The following IRF8 variants were observed in gnomAD, a reference collection of about 807,000 sequenced individuals.
IRF8 encodes the protein interferon consensus sequence binding protein 1.
A neutral mutation model predicts 48.7 loss-of-function variants in IRF8; 14 were observed. That is an observed-to-expected ratio of 0.29 (90% CI 0.19 to 0.45). IRF8 has a LOEUF of 0.45. Among genes scored for constraint, IRF8 ranks in the 20% least tolerant of loss-of-function variants. The probability of loss-of-function intolerance (pLI) is 1.00; values close to 1 mark genes in which losing one functional copy is unlikely to be tolerated. For missense variants in IRF8, 493 were observed against 580.7 expected (o/e 0.85, Z 1.55); for synonymous variants, 278 against 227.3 (o/e 1.22, Z -2.01).
chr16:85,916,205 T>G (rs1905300231), intron 6 of IRF8, among the ~76,000 whole-genome samples: 1 of 152,244 alleles, frequency 6.6e-6, no homozygotes, highest in South Asian at 2.1e-4. Context: ...GTGAGGTGGA[T>G]GCTGTTTTTA....
At chr16:85,903,724 C>T (rs537811753) in intron 2 of IRF8, among the ~76,000 whole-genome samples, 1 of 152,252 alleles carries the variant, frequency 6.6e-6, no homozygotes, top group Non-Finnish European at 1.5e-5. Context: ...GTAATCGGTT[C>T]CCCATGCGTG....
intron 1 of IRF8, among the ~76,000 whole-genome samples, chr16:85,901,447 C>T (rs1220941050): frequency 7.2e-5 from 11 of 152,158 alleles, no homozygotes; most frequent in South Asian, 4.2e-4. Flanking sequence ...GGCAACATAG[C>T]GAGATCCTGT....
Position 85,921,234 on chromosome 16 carries a change from C to T in IRF8, c.1233C>T (p.Ala411=). The T allele has an allele frequency of 1.9e-6, 3 of 1,614,224 alleles. No individual in the cohort carries two copies. Among genetic ancestry groups the T allele is most frequent in the Non-Finnish European group, 2.5e-6 (3 of 1,180,052 alleles). The change falls in exon 9 of 9, where the codon GCC becomes GCT. Residue 411 remains alanine, a synonymous_variant. Coordinates refer to ENST00000268638, the MANE Select transcript of IRF8 (RefSeq NM_002163.4). ...TCCGGATGTTTCCAGATATTTGTGC[C>T]TCACACCAGAGATCATTTTTCAGAG... The part of the protein sequence containing the change: ...QVFRMFPDIC[A]SHQRSFFREN...
At chr16:85,909,238 A>G (rs1372174877) in intron 3 of IRF8, 65 bp downstream of exon 3, 3 of 1,400,838 alleles carry the variant, frequency 2.1e-6, no homozygotes, top group Non-Finnish European at 3.0e-6. Flanking sequence ...TTCACCACAG[A>G]ACTTGGGTCT....
At chr16:85,920,967 C>G (rs888793387) in intron 8 of IRF8, 139 bp from the exon 9 acceptor site, 1 of 871,488 alleles carries the variant, frequency 1.1e-6, no homozygotes, top group Non-Finnish European at 1.8e-6. Flanking sequence ...ACTGCTTGCC[C>G]TTCCTTGGCA....
In IRF8 at chr16:85,921,345, C is replaced by T. The variant is rs186737180; in HGVS notation, c.*63C>T. On this transcript the variant is annotated 3_prime_UTR_variant, in exon 9 of 9. Coordinates refer to ENST00000268638, the MANE Select transcript of IRF8 (RefSeq NM_002163.4). ...CATCCATCTCCCTGTTACAGTGGCCCGCATCATGATTAAAGAATGTGGATC... is the reference window on the plus strand; with the variant it reads ...CATCCATCTCCCTGTTACAGTGGCCTGCATCATGATTAAAGAATGTGGATC... The T allele has an allele frequency of 1.2e-5, 18 of 1,530,004 alleles. No homozygotes were observed. The East Asian group carries it at 1.6e-4, about 13-fold the overall frequency. The allele number at this position is 1,530,004 out of a possible 1,614,324, so 94.8% of individuals were successfully genotyped here. A position where few individuals can be genotyped will look rare whatever the true frequency, so the allele number is the denominator to read the frequency against.
intron 3 of IRF8, 31 bp downstream of exon 3, chr16:85,909,204 C>T: frequency 6.3e-7 from 1 of 1,595,386 alleles, no homozygotes; most frequent in Non-Finnish European, 8.6e-7. Flanking sequence ...TGAAACCTTC[C>T]AGAAGCTGCC....
intron 5 of IRF8, 31 bp downstream of exon 5, chr16:85,913,267 G>C: frequency 6.7e-7 from 1 of 1,489,260 alleles, no homozygotes; most frequent in Non-Finnish European, 9.4e-7. Flanking sequence ...ATTGTCACCA[G>C]GCATGGCCTG....
At chr16:85,914,288 G>T in intron 5 of IRF8, 185 bp from the exon 6 acceptor site, 1 of 671,978 alleles carries the variant, frequency 1.5e-6, no homozygotes, top group Non-Finnish European at 2.7e-6. Context: ...TTCTGCATTT[G>T]TGAAACAATG....
At position 85,910,752 on chromosome 16, in the gene IRF8, C is replaced by T. The variant is rs932494300; in HGVS notation, c.359-818C>T. 2.2e-4 allele frequency among the ~76,000 whole-genome samples: 34 copies of T among 152,286 alleles called. 1 individual carries two copies. The highest frequency in any genetic ancestry group is 1.9e-3 in the Admixed American group (29 of 15,300). On this transcript the variant is annotated intron_variant, in intron 3 of 8. Transcript: ENST00000268638. ...AGTGGTTTGCAGGCTCCATGGTGGG[C>T]GCCCCACCTGCTCCCTACTTCCCCA...
chr16:85,908,410 C>T (rs1055101245), intron 2 of IRF8, among the ~76,000 whole-genome samples: 22 of 152,102 alleles, frequency 1.4e-4, no homozygotes, highest in Non-Finnish European at 3.2e-4. Flanking sequence ...AACACACACA[C>T]ATTAAAGGGA....
chr16:85,901,565 C>A (rs973282095), intron 1 of IRF8, among the ~76,000 whole-genome samples: 1 of 152,172 alleles, frequency 6.6e-6, no homozygotes, highest in Non-Finnish European at 1.5e-5. Context: ...CTGCCGCGAG[C>A]TATGATGGCA....
intron 4 of IRF8, 21 bp downstream of exon 4, chr16:85,911,679 AG>A: frequency 6.2e-7 from 1 of 1,604,538 alleles, no homozygotes; most frequent in South Asian, 1.1e-5. Flanking sequence ...GCAGCATTTC[AG>A]GGGTCTGGCC....
At chr16:85,899,490 T>C (rs533197096) in intron 1 of IRF8, among the ~76,000 whole-genome samples, 2 of 152,378 alleles carry the variant, frequency 1.3e-5, no homozygotes, top group South Asian at 2.1e-4. Flanking sequence ...TCTTTAAATC[T>C]GGTTTACATG....
In IRF8 at chr16:85,918,718, C is replaced by A. The variant is rs1042585766; in HGVS notation, c.903C>A (p.Gly301=). The A allele has an allele frequency of 1.4e-5, 22 of 1,612,500 alleles. No individual in the cohort carries two copies. Among genetic ancestry groups the A allele is most frequent in the Non-Finnish European group, 1.9e-5 (22 of 1,180,030 alleles). Residue 301 remains glycine (G), a synonymous_variant, in exon 7 of 9, where the codon GGC becomes GGA. Transcript: ENST00000268638. ...GCCAGGGCCGCGTGTTCTGCAGCGGCAACGCCGTGGTGTGCAAAGGCAGGC... is the reference window on the plus strand; with the variant it reads ...GCCAGGGCCGCGTGTTCTGCAGCGGAAACGCCGTGGTGTGCAAAGGCAGGC... The part of the protein sequence containing the change: ...RLCQGRVFCS[G]NAVVCKGRPN...
chr16:85,914,636 G>T, intron 6 of IRF8, 116 bp downstream of exon 6: 2 of 1,206,174 alleles, frequency 1.7e-6, no homozygotes, highest in Non-Finnish European at 2.4e-6. Flanking sequence ...GGAAGTCTAG[G>T]CCTGGTTCCA....
intron 3 of IRF8, among the ~76,000 whole-genome samples, chr16:85,910,842 C>T (rs1905121883): frequency 6.6e-6 from 1 of 152,216 alleles, no homozygotes; most frequent in South Asian, 2.1e-4. Context: ...CAGGAGGAAA[C>T]AGTGGGTAAA....
At position 85,920,111 on chromosome 16, in the gene IRF8, C is replaced by G; in HGVS notation, c.991C>G (p.Leu331Val). 1 of 1,612,654 alleles carries G rather than the reference C, an allele frequency of 6.2e-7. No homozygotes were observed. ...VFDTSQFFRE[L>V]QQFYNSQGRL... ...ACCCTCTGCCTGTGTCATTCCAGAG[C>G]TGCAGCAGTTCTATAACAGCCAGGG... The change falls in exon 8 of 9, where the codon CTG (leucine) becomes GTG (valine). Residue 331 changes from leucine to valine, a missense_variant and splice_region_variant. Leu to Val is a conservative substitution (Grantham distance 32). Transcript: ENST00000268638.
chr16:85,908,940 T>C (rs775399969), intron 2 of IRF8, 50 bp from the exon 3 acceptor site: 12 of 1,492,654 alleles, frequency 8.0e-6, no homozygotes, highest in South Asian at 3.4e-5. Flanking sequence ...GACGGATATT[T>C]GTGATTGGAG....
Sources: gnomAD v4.1 joint callset for allele counts (sites outside exome capture counted in the v4.1 genomes callset) on GRCh38, gnomAD v4.1.1 for gene constraint, MANE v1.5 for transcripts, NCBI Gene and HGNC (gene_info 2026-07-23, HGNC 2026-07-21) for gene names.